The following EPS8 variants were observed in gnomAD, a reference collection of about 807,000 sequenced individuals.
The protein encoded by EPS8 is EGFR pathway substrate 8, signaling adaptor.
Under a neutral mutation model 103.8 loss-of-function variants are expected in EPS8, and 42 were observed. The observed-to-expected ratio is 0.40, with a 90% CI of 0.32 to 0.52. The LOEUF (loss-of-function observed/expected upper bound fraction) is 0.52, where lower values mean the gene tolerates loss of function less well. Among genes scored for constraint, EPS8 ranks in the 20% least tolerant of loss-of-function variants. EPS8 has a pLI of 0.40. For synonymous variants in EPS8, 344 were observed against 344.6 expected (o/e 1.00, Z 0.02); for missense variants, 969 against 1,005.1 (o/e 0.96, Z 0.49).
chr12:15,642,730 T>C (rs990937378), intron 15 of EPS8, among the ~76,000 whole-genome samples: 23 of 152,214 alleles, frequency 1.5e-4, no homozygotes, highest in Admixed American at 1.5e-3. Context: ...ACTAAAGATG[T>C]TAGGTCATCC....
chr12:15,689,417 G>C (rs1181790003), intron 1 of EPS8, among the ~76,000 whole-genome samples: 1 of 152,080 alleles, frequency 6.6e-6, no homozygotes, highest in African/African-American at 2.4e-5. Context: ...AACAGAAAAA[G>C]ACCTACCAGG....
At chr12:15,710,336 A>G (rs1044378063) in intron 1 of EPS8, among the ~76,000 whole-genome samples, 14 of 152,238 alleles carry the variant, frequency 9.2e-5, no homozygotes, top group African/African-American at 3.4e-4. Context: ...GCTCTAAATT[A>G]CATCTAAATA....
intron 1 of EPS8, among the ~76,000 whole-genome samples, chr12:15,709,301 A>G (rs1008044908): frequency 6.6e-6 from 1 of 152,206 alleles, no homozygotes; most frequent in Non-Finnish European, 1.5e-5. Flanking sequence ...TGGAACACAA[A>G]ACACTGGTAT....
intron 1 of EPS8, among the ~76,000 whole-genome samples, chr12:15,699,930 C>T (rs547883083): frequency 2.0e-5 from 3 of 152,092 alleles, no homozygotes; most frequent in Non-Finnish European, 4.4e-5. Flanking sequence ...CTAAAGTGGG[C>T]AGATCATGAG....
intron 8 of EPS8, among the ~76,000 whole-genome samples, chr12:15,663,460 C>T (rs1565486857): frequency 6.6e-6 from 1 of 152,138 alleles, no homozygotes; most frequent in East Asian, 1.9e-4. Context: ...AAAAACTGGA[C>T]TGGACCCAGG....
intron 14 of EPS8, among the ~76,000 whole-genome samples, chr12:15,647,789 A>T (rs1463120654): frequency 6.6e-6 from 1 of 152,174 alleles, no homozygotes; most frequent in Admixed American, 6.5e-5. Context: ...ACCAAGAGTG[A>T]CAGTTGAGGT....
In EPS8 at chr12:15,669,430, T is replaced by G. The variant is rs780551534; in HGVS notation, c.473A>C (p.Gln158Pro). ...GAAGAGATGAAGATCTGGCTTGTTC[T>G]GGGTTGGCTCTTTGCACACCAGTGC... ...VLALVCKEPT[Q>P]NKPDLHLFQC... The change falls in exon 6 of 21, where the codon CAG becomes CCG. Residue 158 changes from glutamine to proline, a missense_variant. Physicochemically the swap from Gln to Pro is moderately conservative, Grantham distance 76. Coordinates refer to ENST00000281172, the MANE Select transcript of EPS8 (RefSeq NM_004447.6). 1 of 1,613,988 alleles carries G rather than the reference T, an allele frequency of 6.2e-7. No individual in the cohort carries two copies. Among genetic ancestry groups the G allele is most frequent in the South Asian group, 1.1e-5 (1 of 91,030 alleles).
chr12:15,644,329 T>G (rs1945283114), intron 15 of EPS8, among the ~76,000 whole-genome samples: 1 of 152,156 alleles, frequency 6.6e-6, no homozygotes, highest in South Asian at 2.1e-4. Context: ...ATCTCTGGAG[T>G]CTCTCTGAAT....
At chr12:15,692,417 C>G (rs1946187895) in intron 1 of EPS8, among the ~76,000 whole-genome samples, 1 of 149,914 alleles carries the variant, frequency 6.7e-6, no homozygotes, top group East Asian at 2.0e-4. Context: ...ACTCTGACTC[C>G]CAATTTTTTG....
chr12:15,662,380 T>C, intron 8 of EPS8: 1 of 1,151,022 alleles, frequency 8.7e-7, no homozygotes, highest in Non-Finnish European at 1.1e-6. Flanking sequence ...GTCAGCTACC[T>C]GTAGAACCAA....
At chr12:15,726,220 G>T (rs970612993) in intron 1 of EPS8, among the ~76,000 whole-genome samples, 1 of 151,990 alleles carries the variant, frequency 6.6e-6, no homozygotes, top group East Asian at 1.9e-4. Flanking sequence ...TCAGATGAAG[G>T]ACATGTTGAG....
chr12:15,732,626 T>A, intron 1 of EPS8: 1 of 282,952 alleles, frequency 3.5e-6, no homozygotes, highest in Non-Finnish European at 5.3e-6. Flanking sequence ...TAAAACTATT[T>A]TTCTTTAAAT....
rs994967917 is a variant in EPS8, at chr12:15,762,578, T to C, written c.-22+26583A>G. 6.6e-6 allele frequency among the ~76,000 whole-genome samples: 1 copy of C among 152,192 alleles called. No homozygotes were observed. The highest frequency in any genetic ancestry group is 1.5e-5 in the Non-Finnish European group (1 of 68,032). On this transcript the variant is annotated intron_variant, in intron 1 of 20. Coordinates refer to ENST00000281172, the MANE Select transcript of EPS8 (RefSeq NM_004447.6). This position sits in a 1 kb window ranked among gnomAD's most constrained non-coding sequence, Gnocchi z 4.8. ...GAATGGATAAAGTAAATGTGGTACT[T>C]ATACACAATGGAGTACTATTCATAA...
chr12:15,743,176 A>C (rs954387901), intron 1 of EPS8, among the ~76,000 whole-genome samples: 1 of 152,202 alleles, frequency 6.6e-6, no homozygotes, highest in Non-Finnish European at 1.5e-5. Context: ...CTTCAAAGAG[A>C]ATAAAATACC....
At chr12:15,722,380 T>C (rs1219569770) in intron 1 of EPS8, among the ~76,000 whole-genome samples, 1 of 152,160 alleles carries the variant, frequency 6.6e-6, no homozygotes, top group East Asian at 1.9e-4. Flanking sequence ...AGTACATTGC[T>C]AATATTTATC....
rs971862728 is a variant in EPS8, at chr12:15,704,481, G to A, written c.-21-21509C>T. ...AAGTAAAATAAGCCAGTCACAAAAG[G>A]ACAAATACTCTATGATTCTCCTTAA... On this transcript the variant is annotated intron_variant, in intron 1 of 20. Transcript: ENST00000281172. The surrounding 1 kb of genome is among the most constrained non-coding windows in gnomAD (Gnocchi z 4.6). Among the ~76,000 whole-genome samples, 4 of 152,122 alleles carry A rather than the reference G, an allele frequency of 2.6e-5. No homozygotes were observed. Among genetic ancestry groups the A allele is most frequent in the Non-Finnish European group, 5.9e-5 (4 of 68,006 alleles).
chr12:15,770,919 GTC>G, intron 1 of EPS8, among the ~76,000 whole-genome samples: 1 of 152,216 alleles, frequency 6.6e-6, no homozygotes, highest in East Asian at 1.9e-4. Flanking sequence ...CACATTGAGC[GTC>G]TATCACACAA....
rs930985658 is a variant in EPS8, at chr12:15,733,146, T to C, written c.-21-50174A>G. Among the ~76,000 whole-genome samples the C allele has an allele frequency of 3.9e-5, 6 of 152,046 alleles. No individual in the cohort carries two copies. The highest frequency in any genetic ancestry group is 1.5e-4 in the African/African-American group (6 of 41,372). ...ACTGCTATAAAGATACTACACAAGA[T>C]TGGGTAATTTATAAAGGAAAGAGGT... On this transcript the variant is annotated intron_variant, in intron 1 of 20. Transcript: ENST00000281172. This position sits in a 1 kb window ranked among gnomAD's most constrained non-coding sequence, Gnocchi z 4.8.
At chr12:15,670,976 A>C (rs1291144399) in intron 3 of EPS8, 53 bp from the exon 4 acceptor site, 1 of 1,298,234 alleles carries the variant, frequency 7.7e-7, no homozygotes, top group South Asian at 1.2e-5. Flanking sequence ...ACTGAAGTTC[A>C]TATGTTGGTA....
Sources: gnomAD v4.1 joint callset for allele counts (sites outside exome capture counted in the v4.1 genomes callset) on GRCh38, gnomAD v4.1.1 for gene constraint, Gnocchi (gnomAD v3.1) non-coding constraint, MANE v1.5 for transcripts, NCBI Gene and HGNC (gene_info 2026-07-23, HGNC 2026-07-21) for gene names.